Variants in CTNND2 observed in about 807,000 individuals in gnomAD.
The protein encoded by CTNND2 is catenin delta-2.
CTNND2 carries 22 observed loss-of-function variants against 144.4 expected under a neutral mutation model. The observed-to-expected ratio is 0.15, with a 90% CI of 0.11 to 0.22. The LOEUF is 0.22. Among genes scored for constraint, CTNND2 ranks in the 10% least tolerant of loss-of-function variants. The pLI, the probability that CTNND2 is intolerant of heterozygous loss-of-function variation, is 1.00. For missense variants in CTNND2, 1,353 were observed against 1,618.8 expected, an observed-to-expected ratio of 0.84 and a Z score of 2.82; for synonymous variants, 751 against 695.6, an observed-to-expected ratio of 1.08 and a Z score of -1.25.
intron 1 of CTNND2, among the ~76,000 whole-genome samples, chr5:11,814,201 A>G (rs1276724013): frequency 6.6e-6 from 1 of 152,248 alleles, no homozygotes; most frequent in African/African-American, 2.4e-5. Flanking sequence ...AATCATGCCA[A>G]TGTAGATTTT....
intron 9 of CTNND2, among the ~76,000 whole-genome samples, chr5:11,241,411 G>A (rs768407261): frequency 1.2e-4 from 18 of 152,180 alleles, no homozygotes; most frequent in Admixed American, 8.5e-4. Flanking sequence ...GAAGGTGAAC[G>A]TAAGTTAGCA....
chr5:11,518,326 C>T (rs959801343), intron 3 of CTNND2, among the ~76,000 whole-genome samples: 1 of 151,934 alleles, frequency 6.6e-6, no homozygotes, highest in African/African-American at 2.4e-5. Flanking sequence ...TTTTGTACAG[C>T]TGTACAATTT....
At chr5:11,138,143 T>C (rs1756343067) in intron 12 of CTNND2, among the ~76,000 whole-genome samples, 1 of 152,226 alleles carries the variant, frequency 6.6e-6, no homozygotes, top group African/African-American at 2.4e-5. Flanking sequence ...CTAGCAACTG[T>C]GTGTATTTCT....
At chr5:11,431,333 A>T (rs1561383057) in intron 3 of CTNND2, among the ~76,000 whole-genome samples, 1 of 152,208 alleles carries the variant, frequency 6.6e-6, no homozygotes, top group Non-Finnish European at 1.5e-5. Flanking sequence ...AGACACACTT[A>T]GGTCAGCAAT....
chr5:11,870,344 A>G (rs529159210), intron 1 of CTNND2, among the ~76,000 whole-genome samples: 6 of 152,226 alleles, frequency 3.9e-5, no homozygotes, highest in Non-Finnish European at 8.8e-5. Flanking sequence ...ACAGTTATCC[A>G]GTCCATAATG....
chr5:11,556,989 G>A (rs1343152264), intron 3 of CTNND2, among the ~76,000 whole-genome samples: 1 of 151,974 alleles, frequency 6.6e-6, no homozygotes, highest in Non-Finnish European at 1.5e-5. Context: ...CCACTTCTCA[G>A]AATCAAAGCT....
intron 12 of CTNND2, among the ~76,000 whole-genome samples, chr5:11,142,329 C>T (rs1414454151): frequency 6.6e-6 from 1 of 152,126 alleles, no homozygotes; most frequent in Non-Finnish European, 1.5e-5. Context: ...TCTTCTTTAG[C>T]CCTATTCCAC....
chr5:11,767,558 G>A (rs1013266249), intron 1 of CTNND2, among the ~76,000 whole-genome samples: 3 of 152,284 alleles, frequency 2.0e-5, no homozygotes, highest in Middle Eastern at 3.4e-3. Context: ...TTAGATGAAC[G>A]CCCATTTTTT....
intron 1 of CTNND2, among the ~76,000 whole-genome samples, chr5:11,761,970 T>C (rs1789290152): frequency 6.6e-6 from 1 of 152,146 alleles, no homozygotes; most frequent in African/African-American, 2.4e-5. Flanking sequence ...CACATATATA[T>C]AGATTAAGTG....
intron 13 of CTNND2, among the ~76,000 whole-genome samples, chr5:11,111,710 T>C (rs1753003122): frequency 6.6e-6 from 1 of 152,210 alleles, no homozygotes; most frequent in South Asian, 2.1e-4. Flanking sequence ...CTTTGGACAA[T>C]GCACTTGACA....
chr5:11,189,726 G>T (rs372985651), intron 11 of CTNND2, among the ~76,000 whole-genome samples: 40 of 152,270 alleles, frequency 2.6e-4, no homozygotes, highest in African/African-American at 9.4e-4. Flanking sequence ...AGCTCTAGGG[G>T]TTGTCAGCAC....
intron 9 of CTNND2, among the ~76,000 whole-genome samples, chr5:11,267,751 CA>C: frequency 6.6e-6 from 1 of 152,168 alleles, no homozygotes; most frequent in Admixed American, 6.5e-5. Context: ...TTTGCACAAA[CA>C]TCTGGCTATT....
chr5:11,646,381 A>G (rs1342019199), intron 2 of CTNND2, among the ~76,000 whole-genome samples: 1 of 152,204 alleles, frequency 6.6e-6, no homozygotes, highest in African/African-American at 2.4e-5. Context: ...GACGGCAGAC[A>G]GCAAAGCTGG....
At chr5:11,897,230 C>T (rs1276257952) in intron 1 of CTNND2, among the ~76,000 whole-genome samples, 1 of 152,120 alleles carries the variant, frequency 6.6e-6, no homozygotes, top group East Asian at 1.9e-4. Context: ...TTATTGTATA[C>T]TGTTGAAGGT....
intron 10 of CTNND2, among the ~76,000 whole-genome samples, chr5:11,218,710 A>T (rs971187291): frequency 6.6e-6 from 1 of 152,238 alleles, no homozygotes; most frequent in African/African-American, 2.4e-5. Context: ...TAATCTATAA[A>T]GTCAACCCAG....
intron 12 of CTNND2, among the ~76,000 whole-genome samples, chr5:11,148,160 G>A (rs1204628315): frequency 1.3e-5 from 2 of 152,216 alleles, no homozygotes; most frequent in Admixed American, 6.5e-5. Context: ...AATTGCCAGG[G>A]CCTGGGCAAG....
At chr5:11,489,042 C>T (rs183920561) in intron 3 of CTNND2, among the ~76,000 whole-genome samples, 3 of 135,530 alleles carry the variant, frequency 2.2e-5, no homozygotes, top group Non-Finnish European at 4.8e-5. Flanking sequence ...TTGGTGTAGA[C>T]ACAAGTTTTC....
At chr5:11,886,861 T>C (rs1462522681) in intron 1 of CTNND2, among the ~76,000 whole-genome samples, 1 of 152,116 alleles carries the variant, frequency 6.6e-6, no homozygotes, top group Non-Finnish European at 1.5e-5. Context: ...AAATGCTCTT[T>C]GCTTCTATAA....
At chr5:11,699,221 A>G (rs920046645) in intron 2 of CTNND2, among the ~76,000 whole-genome samples, 2 of 152,290 alleles carry the variant, frequency 1.3e-5, no homozygotes, top group African/African-American at 2.4e-5. Context: ...TACATTTCAG[A>G]ATCATTGCCT....
Sources: gnomAD v4.1 joint callset for allele counts (sites outside exome capture counted in the v4.1 genomes callset) on GRCh38, gnomAD v4.1.1 for gene constraint, MANE v1.5 for transcripts, NCBI Gene and HGNC (gene_info 2026-07-23, HGNC 2026-07-21) for gene names.